EPB41L5: variants seen among roughly 807,000 people sequenced by gnomAD.
EPB41L5 encodes erythrocyte membrane protein band 4.1 like 5.
A neutral mutation model predicts 106.6 loss-of-function variants in EPB41L5; 55 were observed. The ratio of observed to expected loss-of-function variants is 0.52; its 90% CI spans 0.42 to 0.65. The LOEUF (loss-of-function observed/expected upper bound fraction) is 0.65, where lower values mean the gene tolerates loss of function less well. Among genes scored for constraint, EPB41L5 ranks in the 30% least tolerant of loss-of-function variants. The pLI is 0.00. For synonymous variants in EPB41L5, 297 were observed against 306.7 expected (o/e 0.97, Z 0.33); for missense variants, 871 against 882.1 (o/e 0.99, Z 0.16).
At chr2:120,029,737 A>G (rs1678577056) in intron 2 of EPB41L5, among the ~76,000 whole-genome samples, 3 of 152,176 alleles carry the variant, frequency 2.0e-5, no homozygotes, top group African/African-American at 7.2e-5. Context: ...CTCATTATTT[A>G]TCTTATAGTA....
At chr2:120,144,698 C>T (rs1364420180) in intron 19 of EPB41L5, among the ~76,000 whole-genome samples, 5 of 152,120 alleles carry the variant, frequency 3.3e-5, no homozygotes, top group Non-Finnish European at 7.4e-5. Flanking sequence ...AGTGTCACCC[C>T]AGTACCAAAA....
intron 3 of EPB41L5, among the ~76,000 whole-genome samples, chr2:120,053,949 T>G (rs1680456479): frequency 6.6e-6 from 1 of 152,114 alleles, no homozygotes; most frequent in South Asian, 2.1e-4. Flanking sequence ...TAGTTCCAGC[T>G]ACTTGGGAGG....
rs1035483410 is a variant in EPB41L5 at position 120,122,457 on chromosome 2, G to C, written c.1338-5231G>C. Among the ~76,000 whole-genome samples the C allele has an allele frequency of 2.8e-4, 42 of 152,072 alleles. 1 individual carries two copies. The highest frequency in any genetic ancestry group is 8.2e-4 in the African/African-American group (34 of 41,406). ...AATCCTTTCCCCATTTCTTGTTTTT[G>C]TCAGGTTTGTCAAAGATCAGATGGT... On this transcript the variant is annotated intron_variant, in intron 16 of 24. Coordinates refer to ENST00000263713, the MANE Select transcript of EPB41L5 (RefSeq NM_020909.4).
At chr2:120,026,800 G>A (rs1678353767) in intron 2 of EPB41L5, among the ~76,000 whole-genome samples, 1 of 152,202 alleles carries the variant, frequency 6.6e-6, no homozygotes, top group Admixed American at 6.5e-5. Flanking sequence ...TTACAAGACT[G>A]TCACACAGAA....
In EPB41L5 at chr2:120,055,558, G is replaced by C. The variant is rs554362111; in HGVS notation, c.285+13448G>C. Among the ~76,000 whole-genome samples, 307 of 131,936 alleles carry C rather than the reference G, an allele frequency of 2.3e-3. 4 individuals carry two copies. The highest frequency in any genetic ancestry group is 3.6e-3 in the Non-Finnish European group (230 of 64,590). 86.6% of individuals were successfully genotyped at this position (131,936 alleles called of 152,430 possible). On this transcript the variant is annotated intron_variant, in intron 3 of 24. Transcript: ENST00000263713. Reference sequence around the variant, plus strand: ...GGCTGGAGTGCAGTGGTGTGATCTCGGCTCACTGGAACCTCTGCCTCCCGG... The same window carrying C: ...GGCTGGAGTGCAGTGGTGTGATCTCCGCTCACTGGAACCTCTGCCTCCCGG...
At chr2:120,116,655 A>G (rs192712788) in intron 16 of EPB41L5, among the ~76,000 whole-genome samples, 2 of 152,152 alleles carry the variant, frequency 1.3e-5, no homozygotes, top group African/African-American at 4.8e-5. Flanking sequence ...AGTAGCTAGG[A>G]CTATAGGCAC....
At chr2:120,020,740 C>G (rs529706700) in intron 2 of EPB41L5, among the ~76,000 whole-genome samples, 1 of 151,078 alleles carries the variant, frequency 6.6e-6, no homozygotes, top group African/African-American at 2.4e-5. Flanking sequence ...AAAGAAATTT[C>G]TTATTACCTA....
intron 20 of EPB41L5, among the ~76,000 whole-genome samples, chr2:120,148,001 T>C (rs1686486209): frequency 6.6e-6 from 1 of 152,178 alleles, no homozygotes; most frequent in South Asian, 2.1e-4. Flanking sequence ...TGTTCTGTTT[T>C]ACTGTACCTC....
intron 16 of EPB41L5, chr2:120,105,982 C>A (rs1684430833): frequency 1.0e-6 from 1 of 985,212 alleles, no homozygotes; most frequent in South Asian, 4.7e-5. Flanking sequence ...TGACTTCACT[C>A]ACTTTAAAAT....
At chr2:120,140,466 A>T (rs1053973779) in intron 18 of EPB41L5, among the ~76,000 whole-genome samples, 8 of 151,998 alleles carry the variant, frequency 5.3e-5, no homozygotes, top group African/African-American at 1.9e-4. Flanking sequence ...TTTTTAAGAA[A>T]AGAAGGAAGA....
chr2:120,023,656 G>C (rs1241456692), intron 2 of EPB41L5, among the ~76,000 whole-genome samples: 1 of 152,110 alleles, frequency 6.6e-6, no homozygotes, highest in African/African-American at 2.4e-5. Context: ...GATTGTCTTG[G>C]CTATACGGGC....
At chr2:120,133,315 G>A (rs529942284) in intron 18 of EPB41L5, among the ~76,000 whole-genome samples, 25 of 152,122 alleles carry the variant, frequency 1.6e-4, no homozygotes, top group Non-Finnish European at 3.1e-4. Flanking sequence ...AACCATCATA[G>A]TACCTGGTTT....
chr2:120,014,430 G>A (rs1451987566), intron 1 of EPB41L5, among the ~76,000 whole-genome samples: 2 of 152,240 alleles, frequency 1.3e-5, no homozygotes, highest in African/African-American at 4.8e-5. Context: ...TTGGGCCAAA[G>A]TAGTGAACAA....
At chr2:120,132,134 C>T (rs974165304) in intron 18 of EPB41L5, among the ~76,000 whole-genome samples, 1 of 152,038 alleles carries the variant, frequency 6.6e-6, no homozygotes, top group African/African-American at 2.4e-5. Context: ...CTCCCCTGTC[C>T]CCTTTGAATT....
At chr2:120,013,794 A>G (rs1317701450) in intron 1 of EPB41L5, 1 of 152,106 alleles carries the variant, frequency 6.6e-6, no homozygotes, top group Non-Finnish European at 1.5e-5. Context: ...GTCTGTGGTT[A>G]CTCGAATTCT....
intron 10 of EPB41L5, 31 bp from the exon 11 acceptor site, chr2:120,087,140 A>G (rs772904136): frequency 2.1e-5 from 28 of 1,316,290 alleles, no homozygotes; most frequent in Non-Finnish European, 2.9e-5. Flanking sequence ...TTTGTTTGTA[A>G]TTTGGCTTTT....
chr2:120,100,930 G>T, intron 16 of EPB41L5, 116 bp downstream of exon 16: 1 of 678,936 alleles, frequency 1.5e-6, no homozygotes, highest in Non-Finnish European at 2.4e-6. Context: ...TCATATTTGT[G>T]AGCTGGAAAG....
intron 2 of EPB41L5, among the ~76,000 whole-genome samples, chr2:120,030,728 G>GT (rs1472184765): frequency 6.0e-5 from 9 of 150,120 alleles, no homozygotes; most frequent in Admixed American, 6.7e-5. Context: ...TAATTTTTGT[G>GT]TTTTTTACTA....
At chr2:120,046,496 A>T (rs1574521853) in intron 3 of EPB41L5, among the ~76,000 whole-genome samples, 2 of 147,070 alleles carry the variant, frequency 1.4e-5, no homozygotes. Context: ...CCACTTTTTG[A>T]TGGGGTTGTT....
Sources: allele counts gnomAD v4.1 joint callset (sites outside exome capture counted in the v4.1 genomes callset), GRCh38; gene constraint gnomAD v4.1.1; transcripts MANE v1.5; gene names NCBI Gene and HGNC (gene_info 2026-07-23, HGNC 2026-07-21).